DLG2: variants seen among roughly 807,000 people sequenced by gnomAD.
DLG2 encodes the protein discs large MAGUK scaffold protein 2.
In DLG2, 45 loss-of-function variants were observed where a neutral mutation model predicts 132.5. The observed-to-expected ratio is 0.34, with a 90% CI of 0.27 to 0.44. DLG2 has a LOEUF of 0.44. Ranked by LOEUF, DLG2 falls within the 20% of genes least tolerant of loss-of-function variation. The pLI is 1.00. For synonymous variants in DLG2, 424 were observed against 419.6 expected, an observed-to-expected ratio of 1.01 and a Z score of -0.13; for missense variants, 1,045 against 1,196.9, an observed-to-expected ratio of 0.87 and a Z score of 1.87.
chr11:84,042,321 T>C (rs1540188), intron 11 of DLG2, among the ~76,000 whole-genome samples: 132,412 of 151,698 alleles, frequency 0.87, 58,038 homozygotes, highest in Middle Eastern at 0.93. Context: ...GTTATTAAAA[T>C]TTTGTATGAT....
chr11:84,107,483 TC>T (rs1401734160), intron 9 of DLG2, among the ~76,000 whole-genome samples: 2 of 61,964 alleles, frequency 3.2e-5, no homozygotes, highest in Non-Finnish European at 8.5e-5. Flanking sequence ...TTTTGAGCAC[TC>T]CATCTTTAAT....
intron 7 of DLG2, among the ~76,000 whole-genome samples, chr11:84,390,338 T>C (rs2098788207): frequency 6.6e-6 from 1 of 152,180 alleles, no homozygotes; most frequent in Non-Finnish European, 1.5e-5. Context: ...TATTTTGTTG[T>C]AGGAAGGGGC....
intron 6 of DLG2, among the ~76,000 whole-genome samples, chr11:84,872,036 C>A (rs773617178): frequency 2.0e-5 from 3 of 152,162 alleles, no homozygotes; most frequent in Non-Finnish European, 4.4e-5. Context: ...TGTTCACTAA[C>A]AAGTTTATAT....
intron 14 of DLG2, among the ~76,000 whole-genome samples, chr11:83,941,101 AC>A (rs1403805736): frequency 6.6e-6 from 1 of 152,330 alleles, no homozygotes; most frequent in East Asian, 1.9e-4. Flanking sequence ...TGCCCCAGTT[AC>A]ATTTCTATTT....
At chr11:85,072,323 T>C (rs1439491283) in intron 6 of DLG2, among the ~76,000 whole-genome samples, 1 of 151,810 alleles carries the variant, frequency 6.6e-6, no homozygotes, top group Non-Finnish European at 1.5e-5. Context: ...CTTAAGCATG[T>C]ATAAATTCTT....
chr11:84,594,026 T>A (rs1470014951), intron 6 of DLG2, among the ~76,000 whole-genome samples: 1 of 152,234 alleles, frequency 6.6e-6, no homozygotes, highest in Non-Finnish European at 1.5e-5. Flanking sequence ...ACATTTTTTT[T>A]AATTTCAAGA....
At chr11:84,794,043 T>G (rs1353972605) in intron 6 of DLG2, among the ~76,000 whole-genome samples, 2 of 152,218 alleles carry the variant, frequency 1.3e-5, no homozygotes, top group African/African-American at 4.8e-5. Flanking sequence ...TAATTTCTAA[T>G]TTGTGTGTTT....
intron 3 of DLG2, among the ~76,000 whole-genome samples, chr11:85,526,211 T>G (rs1198869159): frequency 6.6e-6 from 1 of 152,130 alleles, no homozygotes; most frequent in African/African-American, 2.4e-5. Flanking sequence ...TTCATGTAAC[T>G]GAAGTATCAT....
intron 6 of DLG2, among the ~76,000 whole-genome samples, chr11:85,032,857 A>T (rs1356105160): frequency 6.6e-6 from 1 of 152,210 alleles, no homozygotes. Context: ...GGATTCAGAG[A>T]GCAATGGTAG....
intron 16 of DLG2, among the ~76,000 whole-genome samples, chr11:83,870,911 C>T (rs1461427057): frequency 2.0e-5 from 3 of 152,086 alleles, no homozygotes; most frequent in African/African-American, 4.8e-5. Flanking sequence ...AGACATAATC[C>T]GAGGAAATGT....
chr11:85,039,957 C>G (rs921704558), intron 6 of DLG2, among the ~76,000 whole-genome samples: 1 of 151,818 alleles, frequency 6.6e-6, no homozygotes, highest in African/African-American at 2.4e-5. Flanking sequence ...TGAATTCTCT[C>G]CTTTGGAAGA....
At chr11:84,091,424 T>A (rs958113818) in intron 10 of DLG2, among the ~76,000 whole-genome samples, 1 of 152,212 alleles carries the variant, frequency 6.6e-6, no homozygotes, top group African/African-American at 2.4e-5. Flanking sequence ...TCCTCCCTTT[T>A]ACTGGCGTGG....
chr11:85,354,839 T>A (rs1218772451), intron 3 of DLG2, among the ~76,000 whole-genome samples: 2 of 151,930 alleles, frequency 1.3e-5, no homozygotes, highest in African/African-American at 4.8e-5. Context: ...CTTCCCCACA[T>A]TTCACATATA....
In DLG2 at chr11:85,276,991, G is replaced by A. The variant is rs143737910; in HGVS notation, c.186+8229C>T. On this transcript the variant is annotated intron_variant, in intron 4 of 27. Transcript: ENST00000376104. ...TCTAGTTAAGGTCATTAGAAAATTC[G>A]TGATTGATAGACAGGTAGACCTTTA... Among the ~76,000 whole-genome samples, 576 of 152,210 alleles carry A rather than the reference G, an allele frequency of 3.8e-3. 7 individuals are homozygous for A. Among genetic ancestry groups the A allele is most frequent in the African/African-American group, 0.012 (508 of 41,542 alleles).
intron 4 of DLG2, among the ~76,000 whole-genome samples, chr11:85,169,697 C>G (rs1426938549): frequency 6.6e-6 from 1 of 152,106 alleles, no homozygotes; most frequent in Non-Finnish European, 1.5e-5. Flanking sequence ...GTCTTTCTTC[C>G]TGAAATATGA....
chr11:83,891,831 T>C (rs1418861978), intron 15 of DLG2, among the ~76,000 whole-genome samples: 3 of 152,156 alleles, frequency 2.0e-5, no homozygotes, highest in Non-Finnish European at 4.4e-5. Flanking sequence ...CATGCAGACA[T>C]CCAAATAAAT....
intron 6 of DLG2, among the ~76,000 whole-genome samples, chr11:84,914,692 A>T (rs1364965353): frequency 2.6e-5 from 4 of 152,206 alleles, no homozygotes; most frequent in African/African-American, 9.6e-5. Flanking sequence ...AGTCCTTTCG[A>T]GGCACTGGCC....
Position 84,058,506 on chromosome 11 carries a change from C to A in DLG2, c.919+809G>T, listed in dbSNP as rs1945810. Among the ~76,000 whole-genome samples the A allele has an allele frequency of 5.9e-3, 752 of 128,128 alleles. 8 individuals are homozygous for A. The highest frequency in any genetic ancestry group is 0.012 in the African/African-American group (345 of 27,660). 84.1% of individuals were successfully genotyped at this position (128,128 alleles called of 152,430 possible). A position where few individuals can be genotyped will look rare whatever the true frequency, so the allele number is the denominator to read the frequency against. On this transcript the variant is annotated intron_variant, in intron 11 of 27. Coordinates refer to ENST00000376104, the MANE Select transcript of DLG2 (RefSeq NM_001142699.3). ...GTCTGTCTCTACCAAAAAACAAATA[C>A]AATAATAATAATAATAATAATAATA...
At chr11:84,855,411 T>C (rs1002690972) in intron 6 of DLG2, among the ~76,000 whole-genome samples, 1 of 152,060 alleles carries the variant, frequency 6.6e-6, no homozygotes, top group East Asian at 1.9e-4. Flanking sequence ...ATGCCTTGTT[T>C]CTTACTTAAA....
Sources: gnomAD v4.1 joint callset for allele counts (sites outside exome capture counted in the v4.1 genomes callset) on GRCh38, gnomAD v4.1.1 for gene constraint, MANE v1.5 for transcripts, NCBI Gene and HGNC (gene_info 2026-07-23, HGNC 2026-07-21) for gene names.